Variants in SMAD9 observed in about 807,000 individuals in gnomAD.
The protein encoded by SMAD9 is MAD homolog 9.
A neutral mutation model predicts 46.1 loss-of-function variants in SMAD9; 36 were observed. The observed-to-expected ratio is 0.78, with a 90% CI of 0.60 to 1.03. The LOEUF is 1.03. SMAD9 is among the 50% of genes least tolerant of loss of function. The pLI, the probability that SMAD9 is intolerant of heterozygous loss-of-function variation, is 0.00. For synonymous variants in SMAD9, 245 were observed against 237.1 expected (o/e 1.03, Z -0.31); for missense variants, 572 against 599.8 (o/e 0.95, Z 0.48).
intron 1 of SMAD9, among the ~76,000 whole-genome samples, chr13:36,899,865 T>C (rs896273014): frequency 2.0e-5 from 3 of 152,216 alleles, no homozygotes; most frequent in African/African-American, 7.2e-5. Flanking sequence ...CTAGTCCCTC[T>C]ATTCATAACA....
chr13:36,863,373 A>C lies in SMAD9; in HGVS notation c.1003+2164T>G, dbSNP rs551012. 9.8e-3 allele frequency among the ~76,000 whole-genome samples: 1,496 copies of C among 152,324 alleles called. 25 individuals are homozygous for C. Among genetic ancestry groups the C allele is most frequent in the African/African-American group, 0.033 (1,368 of 41,570 alleles). The stretch of plus-strand genomic sequence containing the variant: ...TGTAACTTTGTCTTCGGACCATGTG[A>C]CAGTGAGTACCCTTGCATCGAGGGG... On this transcript the variant is annotated intron_variant, in intron 5 of 6. Transcript: ENST00000379826.
At chr13:36,917,360 C>G (rs2058706276) in intron 1 of SMAD9, among the ~76,000 whole-genome samples, 1 of 151,386 alleles carries the variant, frequency 6.6e-6, no homozygotes, top group South Asian at 2.1e-4. Flanking sequence ...TGTGAAAATG[C>G]TCACAGTATT....
chr13:36,914,132 C>G (rs2058681215), intron 1 of SMAD9, among the ~76,000 whole-genome samples: 1 of 152,164 alleles, frequency 6.6e-6, no homozygotes, highest in Non-Finnish European at 1.5e-5. Context: ...TGATGTCTAC[C>G]TTTGGCATCT....
chr13:36,898,749 A>G (rs571982501), intron 1 of SMAD9, among the ~76,000 whole-genome samples: 1 of 152,300 alleles, frequency 6.6e-6, no homozygotes, highest in South Asian at 2.1e-4. Flanking sequence ...ATTCTCACCA[A>G]ACTAGAAATA....
At position 36,846,948 on chromosome 13, in the gene SMAD9, C is replaced by T. The variant is rs562322000; in HGVS notation, c.*1728G>A. On this transcript the variant is annotated 3_prime_UTR_variant, in exon 7 of 7. Coordinates refer to ENST00000379826, the MANE Select transcript of SMAD9 (RefSeq NM_001127217.3). ...TTATTTACATTTGATTCTACAGTAC[C>T]TAACATTGTACCTGACACCCATAGG... 1 of 152,296 alleles carries T rather than the reference C, an allele frequency of 6.6e-6. No homozygotes were observed. Among genetic ancestry groups the T allele is most frequent in the South Asian group, 2.1e-4 (1 of 4,824 alleles). 9.4% of individuals were successfully genotyped at this position (152,296 alleles called of 1,614,324 possible).
At chr13:36,916,046 G>C (rs2058696325) in intron 1 of SMAD9, among the ~76,000 whole-genome samples, 1 of 152,206 alleles carries the variant, frequency 6.6e-6, no homozygotes, top group Admixed American at 6.5e-5. Flanking sequence ...AGGCACAGAA[G>C]GCAGATTCTG....
intron 1 of SMAD9, among the ~76,000 whole-genome samples, chr13:36,919,529 C>A (rs2058724710): frequency 6.6e-6 from 1 of 152,284 alleles, no homozygotes; most frequent in East Asian, 1.9e-4. Flanking sequence ...GCAAGTGAGG[C>A]CAATTCGGCG....
chr13:36,915,394 A>G, intron 1 of SMAD9, among the ~76,000 whole-genome samples: 1 of 152,176 alleles, frequency 6.6e-6, no homozygotes, highest in East Asian at 1.9e-4. Context: ...ACTGAGGAGT[A>G]CATGTTTTCT....
At chr13:36,877,453 T>G (rs1252440653) in intron 2 of SMAD9, among the ~76,000 whole-genome samples, 1 of 152,208 alleles carries the variant, frequency 6.6e-6, no homozygotes, top group Non-Finnish European at 1.5e-5. Flanking sequence ...ACAAGATATT[T>G]CTTACAAGTT....
intron 2 of SMAD9, among the ~76,000 whole-genome samples, chr13:36,874,549 G>A (rs1364806711): frequency 1.3e-5 from 2 of 152,056 alleles, no homozygotes; most frequent in Admixed American, 1.3e-4. Flanking sequence ...GAGGAGGAAG[G>A]AAGAAGATGA....
At chr13:36,917,399 A>ATTTTT (rs58671007) in intron 1 of SMAD9, among the ~76,000 whole-genome samples, 3 of 148,016 alleles carry the variant, frequency 2.0e-5, no homozygotes, top group African/African-American at 7.4e-5. Flanking sequence ...TACTGTTTGC[A>ATTTTT]TTTTTTTTTT....
chr13:36,880,003 A>G, intron 1 of SMAD9, 128 bp from the exon 2 acceptor site: 2 of 399,378 alleles, frequency 5.0e-6, no homozygotes. Flanking sequence ...GCTCGAGCCC[A>G]GGAGGTCAAG....
chr13:36,895,580 G>C (rs2058521425), intron 1 of SMAD9, among the ~76,000 whole-genome samples: 1 of 152,168 alleles, frequency 6.6e-6, no homozygotes, highest in Non-Finnish European at 1.5e-5. Context: ...CATAAATCCT[G>C]ATTCTGCTCA....
intron 1 of SMAD9, among the ~76,000 whole-genome samples, chr13:36,882,705 A>G (rs1290865247): frequency 6.6e-6 from 1 of 152,246 alleles, no homozygotes; most frequent in Non-Finnish European, 1.5e-5. Flanking sequence ...GATCGAAAAG[A>G]TTTTAATTAG....
chr13:36,889,530 G>A (rs927802222), intron 1 of SMAD9, among the ~76,000 whole-genome samples: 1 of 152,012 alleles, frequency 6.6e-6, no homozygotes, highest in Non-Finnish European at 1.5e-5. Flanking sequence ...GTTACTTAAA[G>A]GCAATTCTTA....
intron 3 of SMAD9, 104 bp from the exon 4 acceptor site, chr13:36,867,487 G>A (rs565634410): frequency 1.4e-6 from 1 of 689,910 alleles, no homozygotes; most frequent in Admixed American, 2.6e-5. Flanking sequence ...TTGGTGGACA[G>A]TGCTACTCCT....
Position 36,853,512 on chromosome 13 carries a change from G to C in SMAD9, c.1167C>G (p.Leu389=). ...CTGACTGGGCCAGGAGCTGAGCGAAGAGCTGGTTGTTGAAGACCTTGAGGC... is the reference window on the plus strand; with the variant it reads ...CTGACTGGGCCAGGAGCTGAGCGAACAGCTGGTTGTTGAAGACCTTGAGGC... ...GCSLKVFNNQ[L]FAQLLAQSVH... Residue 389 remains leucine, a synonymous_variant, in exon 6 of 7, where the codon CTC becomes CTG. Coordinates refer to ENST00000379826, the MANE Select transcript of SMAD9 (RefSeq NM_001127217.3). 1 of 1,614,204 alleles carries C rather than the reference G, an allele frequency of 6.2e-7. No homozygotes were observed. The highest frequency in any genetic ancestry group is 8.5e-7 in the Non-Finnish European group (1 of 1,180,042).
In SMAD9 at chr13:36,920,193, G is replaced by C. The variant is rs886050178; in HGVS notation, c.-264C>G. 6.6e-4 allele frequency: 24 copies of C among 36,504 alleles called. No homozygotes were observed. The Admixed American group carries it at 7.2e-3, about 11-fold the overall frequency. The allele number at this position is 36,504 out of a possible 1,614,324, so 2.3% of individuals were successfully genotyped here. A position where few individuals can be genotyped will look rare whatever the true frequency, so the allele number is the denominator to read the frequency against. On this transcript the variant is annotated 5_prime_UTR_variant, in exon 1 of 7. Transcript: ENST00000379826. ...CCGAGACAGCGGCTGCAGCAGCGGC[G>C]GCGGCGGCGGCGGCGGCGGCGGCCC...
intron 5 of SMAD9, among the ~76,000 whole-genome samples, chr13:36,860,909 G>T (rs1286589200): frequency 1.3e-5 from 2 of 152,160 alleles, no homozygotes; most frequent in Non-Finnish European, 2.9e-5. Flanking sequence ...AGATGTTCCA[G>T]GCTGCCCAAG....
Sources: gnomAD v4.1 joint callset for allele counts (sites outside exome capture counted in the v4.1 genomes callset) on GRCh38, gnomAD v4.1.1 for gene constraint, MANE v1.5 for transcripts, NCBI Gene and HGNC (gene_info 2026-07-23, HGNC 2026-07-21) for gene names.